The following NAALADL2 variants were observed in gnomAD, a reference collection of about 807,000 sequenced individuals.
NAALADL2 encodes N-acetylated alpha-linked acidic dipeptidase like 2, also known as inactive N-acetylated-alpha-linked acidic dipeptidase-like protein 2.
A neutral mutation model predicts 87.2 loss-of-function variants in NAALADL2; 76 were observed. The ratio of observed to expected loss-of-function variants is 0.87; its 90% CI spans 0.72 to 1.05. NAALADL2 has a LOEUF of 1.05. NAALADL2 is among the 50% of genes least tolerant of loss of function. The pLI, the probability that NAALADL2 is intolerant of heterozygous loss-of-function variation, is 0.00. For missense variants in NAALADL2, 1,089 were observed against 945.8 expected (o/e 1.15, Z -1.99); for synonymous variants, 354 against 331.0 (o/e 1.07, Z -0.75).
At chr3:175,230,249 C>T (rs1744744864) in intron 2 of NAALADL2, among the ~76,000 whole-genome samples, 1 of 151,926 alleles carries the variant, frequency 6.6e-6, no homozygotes, top group African/African-American at 2.4e-5. Context: ...ACTTCATGAC[C>T]ACAGCATTGA....
chr3:175,579,886 A>G (rs2149570566), intron 10 of NAALADL2, among the ~76,000 whole-genome samples: 1 of 152,238 alleles, frequency 6.6e-6, no homozygotes, highest in South Asian at 2.1e-4. Flanking sequence ...TTCTTAGTAT[A>G]TCAGAAGATC....
intron 2 of NAALADL2, among the ~76,000 whole-genome samples, chr3:175,163,784 T>A (rs1212542123): frequency 6.6e-6 from 1 of 152,176 alleles, no homozygotes; most frequent in Non-Finnish European, 1.5e-5. Context: ...CACCTTTTGG[T>A]TTGTACAAGC....
chr3:174,651,742 C>T lies in NAALADL2; in HGVS notation c.-114-85899C>T, dbSNP rs1290617270. Among the ~76,000 whole-genome samples, 3 of 152,184 alleles carry T rather than the reference C, an allele frequency of 2.0e-5. No homozygotes were observed. In the East Asian group the frequency reaches 5.8e-4, roughly 29 times the overall value. ...TATGCTTCAAATCATAGGCAAAGAG[C>T]ACATTCTATTTTCTAATAACTGCCC... On this transcript the variant is annotated intron_variant, in intron 2 of 3. Transcript: ENST00000434257.
intron 1 of NAALADL2, among the ~76,000 whole-genome samples, chr3:175,023,471 A>G (rs948203320): frequency 5.5e-4 from 84 of 152,148 alleles, no homozygotes; most frequent in African/African-American, 2.0e-3. Flanking sequence ...TCTGAGTTGG[A>G]CGTTCCTGTT....
intron 5 of NAALADL2, among the ~76,000 whole-genome samples, chr3:175,350,055 G>GAA (rs138836041): frequency 0.35 from 49,221 of 142,072 alleles, 8,400 homozygotes; most frequent in East Asian, 0.45. Flanking sequence ...AGGCTTGATT[G>GAA]AAAAAAAAAA....
rs192766713 is a variant in NAALADL2 at position 174,573,077 on chromosome 3, T to A, written c.-115+22440T>A. Among the ~76,000 whole-genome samples, 9 of 152,294 alleles carry A rather than the reference T, an allele frequency of 5.9e-5. No homozygotes were observed. In the East Asian group the frequency reaches 1.7e-3, roughly 29 times the overall value. ...CAGCTCATCACAGATTACCACCGCA[T>A]CACTACCTACTGTATGTATGTATAT... On this transcript the variant is annotated intron_variant, in intron 2 of 3. Transcript: ENST00000434257.
chr3:174,452,265 C>T (rs1474613392), intron 1 of NAALADL2, among the ~76,000 whole-genome samples: 1 of 152,170 alleles, frequency 6.6e-6, no homozygotes, highest in Non-Finnish European at 1.5e-5. Context: ...CTTTGTCTTG[C>T]ACCTCATCTC....
chr3:175,435,493 C>T (rs1379607294), intron 5 of NAALADL2, among the ~76,000 whole-genome samples: 1 of 152,038 alleles, frequency 6.6e-6, no homozygotes, highest in Non-Finnish European at 1.5e-5. Flanking sequence ...TGCTTAACTA[C>T]ACATTAATCA....
At chr3:175,000,161 TA>T (rs1453416384) in intron 1 of NAALADL2, among the ~76,000 whole-genome samples, 2 of 152,176 alleles carry the variant, frequency 1.3e-5, no homozygotes, top group Non-Finnish European at 2.9e-5. Context: ...GGTTCTTTGT[TA>T]GGCTCTGGAG....
At chr3:175,146,698 GTA>G (rs1284226057) in intron 2 of NAALADL2, among the ~76,000 whole-genome samples, 2 of 152,072 alleles carry the variant, frequency 1.3e-5, no homozygotes, top group South Asian at 2.1e-4. Context: ...TTCGTGATGC[GTA>G]TATGTTTTCC....
At position 174,764,343 on chromosome 3, in the gene NAALADL2, G is replaced by A. The variant is rs368854406; in HGVS notation, c.-9+26597G>A. 5.9e-5 allele frequency among the ~76,000 whole-genome samples: 9 copies of A among 152,148 alleles called. No individual in the cohort carries two copies. The East Asian group carries it at 1.3e-3, about 23-fold the overall frequency. The stretch of plus-strand genomic sequence containing the variant: ...TGGGACTTAAACAGCAAAAGGTGCC[G>A]GGTGCAGTGGCTTATGCCTGCACTT... On this transcript the variant is annotated intron_variant, in intron 3 of 3. Coordinates refer to the NAALADL2 transcript ENST00000434257.
chr3:174,745,674 T>C (rs1459505047), intron 3 of NAALADL2, among the ~76,000 whole-genome samples: 1 of 152,154 alleles, frequency 6.6e-6, no homozygotes, highest in Non-Finnish European at 1.5e-5. Flanking sequence ...CTGATGAACA[T>C]TGATGTGAAA....
intron 1 of NAALADL2, among the ~76,000 whole-genome samples, chr3:174,955,636 A>G (rs960125936): frequency 6.6e-6 from 1 of 152,102 alleles, no homozygotes; most frequent in African/African-American, 2.4e-5. Context: ...AATAGTATTA[A>G]AGTTAACTAA....
intron 4 of NAALADL2, among the ~76,000 whole-genome samples, chr3:175,313,167 T>C (rs1372967103): frequency 4.6e-5 from 7 of 152,174 alleles, no homozygotes; most frequent in African/African-American, 1.7e-4. Flanking sequence ...CTGAGTCATA[T>C]TGCATTAGGG....
intron 13 of NAALADL2, among the ~76,000 whole-genome samples, chr3:175,789,464 C>CAT (rs1752517424): frequency 6.6e-6 from 1 of 152,138 alleles, no homozygotes. Flanking sequence ...GACTACCTGA[C>CAT]ATTTACATAA....
rs530609211 is a variant in NAALADL2, at chr3:174,501,784, C to T, written c.-183-48785C>T. Among the ~76,000 whole-genome samples, 585 of 151,738 alleles carry T rather than the reference C, an allele frequency of 3.9e-3. 7 individuals are homozygous for T. The highest frequency in any genetic ancestry group is 2.6e-3 in the Non-Finnish European group (177 of 67,900). Reference sequence around the variant, plus strand: ...TATATTGGTAATTTATATCTTTTTTCTTTTTTTGCTCTCATTAATCTGGCT... The same window carrying T: ...TATATTGGTAATTTATATCTTTTTTTTTTTTTTGCTCTCATTAATCTGGCT... On this transcript the variant is annotated intron_variant, in intron 1 of 3. Coordinates refer to the NAALADL2 transcript ENST00000434257.
Position 175,651,439 on chromosome 3 carries a change from G to A in NAALADL2, c.1896+24053G>A, listed in dbSNP as rs76291807. On this transcript the variant is annotated intron_variant, in intron 11 of 13. Transcript: ENST00000454872. The stretch of plus-strand genomic sequence containing the variant: ...ACTAACATGAGCTTTGGTGAGAAGT[G>A]ACTGGCTGGTTTCACTCTAATTCAT... 7.4e-3 allele frequency among the ~76,000 whole-genome samples: 1,122 copies of A among 152,218 alleles called. 14 individuals carry two copies. The highest frequency in any genetic ancestry group is 0.026 in the African/African-American group (1,073 of 41,546).
intron 3 of NAALADL2, among the ~76,000 whole-genome samples, chr3:174,849,157 A>G: frequency 6.6e-6 from 1 of 152,202 alleles, no homozygotes; most frequent in South Asian, 2.1e-4. Context: ...AAGAACTAGG[A>G]CATTACTGTA....
At chr3:175,654,728 G>A (rs1731217544) in intron 11 of NAALADL2, among the ~76,000 whole-genome samples, 1 of 152,020 alleles carries the variant, frequency 6.6e-6, no homozygotes, top group Admixed American at 6.6e-5. Context: ...ATTTATTTGT[G>A]AATGGCAGGC....
Sources: gnomAD v4.1 joint callset for allele counts (sites outside exome capture counted in the v4.1 genomes callset) on GRCh38, gnomAD v4.1.1 for gene constraint, MANE v1.5 for transcripts, NCBI Gene and HGNC (gene_info 2026-07-23, HGNC 2026-07-21) for gene names.